RAB30: variants seen among roughly 807,000 people sequenced by gnomAD.
RAB30 encodes the protein ras-related protein Rab-30.
Under a neutral mutation model 25.1 loss-of-function variants are expected in RAB30, and 9 were observed. The ratio of observed to expected loss-of-function variants is 0.36; its 90% CI spans 0.22 to 0.63. The LOEUF is 0.63. Ranked by LOEUF, RAB30 falls within the 20% of genes least tolerant of loss-of-function variation. The pLI is 0.69. For missense variants in RAB30, 140 were observed against 243.5 expected (o/e 0.58, Z 2.83); for synonymous variants, 77 against 86.4 (o/e 0.89, Z 0.60).
intron 1 of RAB30, among the ~76,000 whole-genome samples, chr11:83,022,017 T>G (rs1857590230): frequency 6.6e-6 from 1 of 152,242 alleles, no homozygotes; most frequent in African/African-American, 2.4e-5. Context: ...AGGCACTTAA[T>G]TAAGTACTTC....
chr11:83,029,371 CT>C (rs1039024569), intron 1 of RAB30, among the ~76,000 whole-genome samples: 6 of 151,924 alleles, frequency 3.9e-5, no homozygotes, highest in South Asian at 4.1e-4. Flanking sequence ...CTTTCCCCCC[CT>C]ATTTTTTTCT....
At chr11:83,039,714 A>C (rs1858063983) in intron 1 of RAB30, among the ~76,000 whole-genome samples, 2 of 152,200 alleles carry the variant, frequency 1.3e-5, no homozygotes, top group South Asian at 4.1e-4. Flanking sequence ...AGCAGTAGGC[A>C]GATAACCAAG....
At chr11:82,996,670 G>A (rs183660742) in intron 2 of RAB30, among the ~76,000 whole-genome samples, 45 of 152,292 alleles carry the variant, frequency 3.0e-4, no homozygotes, top group Middle Eastern at 3.4e-3. Flanking sequence ...TCAACCCAGA[G>A]AGGCCATTCA....
chr11:83,047,235 G>A (rs549668041), intron 1 of RAB30, among the ~76,000 whole-genome samples: 8 of 152,224 alleles, frequency 5.3e-5, no homozygotes, highest in East Asian at 1.9e-4. Flanking sequence ...TTTGGATGAC[G>A]GTGGCACCTG....
chr11:83,043,831 G>A (rs1250332362), intron 1 of RAB30, among the ~76,000 whole-genome samples: 2 of 152,082 alleles, frequency 1.3e-5, no homozygotes, highest in South Asian at 2.1e-4. Context: ...GCAAGTTACC[G>A]TGCAGTGAAC....
intron 1 of RAB30, among the ~76,000 whole-genome samples, chr11:83,017,340 A>C (rs1312086924): frequency 2.0e-5 from 3 of 152,058 alleles, no homozygotes; most frequent in African/African-American, 7.2e-5. Context: ...CCTGTATCAA[A>C]ATAATAATAA....
At chr11:82,986,227 G>T (rs1376811756) in intron 4 of RAB30, among the ~76,000 whole-genome samples, 1 of 152,170 alleles carries the variant, frequency 6.6e-6, no homozygotes. Context: ...GAGGGAGAAG[G>T]TGGACAGCAT....
At chr11:83,015,553 G>T (rs1857417638) in intron 1 of RAB30, among the ~76,000 whole-genome samples, 1 of 152,178 alleles carries the variant, frequency 6.6e-6, no homozygotes, top group South Asian at 2.1e-4. Flanking sequence ...CATCTATGTG[G>T]ACATGAATCT....
chr11:82,981,781 C>T lies in RAB30; in HGVS notation c.*384G>A, dbSNP rs1187246477. ...ACCAGGGCCCCCAGATGATTACCAC[C>T]GAAGCCCTAAAGAAGAGTTCCCACA... is the stretch of plus-strand genomic sequence containing the variant. On this transcript the variant is annotated 3_prime_UTR_variant, in exon 5 of 5. Transcript: ENST00000527633. 3.5e-5 allele frequency: 6 copies of T among 172,114 alleles called. No individual in the cohort carries two copies. Among genetic ancestry groups the T allele is most frequent in the East Asian group, 3.1e-4 (2 of 6,398 alleles). 10.7% of individuals were successfully genotyped at this position (172,114 alleles called of 1,614,324 possible). A position where few individuals can be genotyped will look rare whatever the true frequency, so the allele number is the denominator to read the frequency against.
intron 1 of RAB30, among the ~76,000 whole-genome samples, chr11:83,056,715 T>A (rs1858466246): frequency 6.6e-6 from 1 of 152,204 alleles, no homozygotes; most frequent in Non-Finnish European, 1.5e-5. Context: ...TGGATCTGCC[T>A]CTTAGCTAGT....
intron 1 of RAB30, among the ~76,000 whole-genome samples, chr11:83,020,029 G>A (rs777470023): frequency 5.9e-5 from 9 of 152,224 alleles, no homozygotes; most frequent in South Asian, 2.1e-4. Context: ...TGGAGCTGGC[G>A]AGAGCCAGGG....
intron 1 of RAB30, among the ~76,000 whole-genome samples, chr11:83,014,820 G>A (rs934544037): frequency 2.0e-5 from 3 of 150,728 alleles, no homozygotes; most frequent in South Asian, 2.1e-4. Flanking sequence ...AAGGAAGGAA[G>A]GAAGAGAGAA....
chr11:82,990,739 A>G (rs77678078), intron 3 of RAB30, among the ~76,000 whole-genome samples: 5,252 of 152,172 alleles, frequency 0.035, 158 homozygotes, highest in East Asian at 0.097. Flanking sequence ...ACTAAAATAT[A>G]TATGAGAAAG....
chr11:83,038,242 G>A (rs1269143467), intron 1 of RAB30, among the ~76,000 whole-genome samples: 2 of 152,144 alleles, frequency 1.3e-5, no homozygotes, highest in Non-Finnish European at 2.9e-5. Context: ...CTACCTCTCA[G>A]AAGGCAAATG....
At chr11:83,027,298 T>C (rs1857744592) in intron 1 of RAB30, among the ~76,000 whole-genome samples, 1 of 152,148 alleles carries the variant, frequency 6.6e-6, no homozygotes, top group South Asian at 2.1e-4. Context: ...TAAGAGTGTC[T>C]TTGGCCTGGC....
At chr11:82,988,317 T>C (rs1451898476) in intron 3 of RAB30, among the ~76,000 whole-genome samples, 1 of 152,216 alleles carries the variant, frequency 6.6e-6, no homozygotes, top group Admixed American at 6.5e-5. Context: ...ACAAAAGGCA[T>C]GATACAGGGC....
At chr11:83,044,736 C>T (rs1321007029) in intron 1 of RAB30, among the ~76,000 whole-genome samples, 1 of 152,206 alleles carries the variant, frequency 6.6e-6, no homozygotes, top group Non-Finnish European at 1.5e-5. Flanking sequence ...TTTTAGGCAT[C>T]ATTGGGCTCA....
At chr11:83,063,227 C>T (rs1409010139) in intron 1 of RAB30, among the ~76,000 whole-genome samples, 4 of 152,162 alleles carry the variant, frequency 2.6e-5, no homozygotes, top group Non-Finnish European at 5.9e-5. Context: ...CCTTTGATTG[C>T]TTCTACTGAA....
At chr11:83,025,921 A>G (rs978023125) in intron 1 of RAB30, among the ~76,000 whole-genome samples, 4 of 152,188 alleles carry the variant, frequency 2.6e-5, no homozygotes, top group Admixed American at 6.5e-5. Context: ...AGGCATGGTG[A>G]CTCACATCTA....
Sources: gnomAD v4.1 joint callset for allele counts (sites outside exome capture counted in the v4.1 genomes callset) on GRCh38, gnomAD v4.1.1 for gene constraint, MANE v1.5 for transcripts, NCBI Gene and HGNC (gene_info 2026-07-23, HGNC 2026-07-21) for gene names.